Variants in MRAP2 observed in about 807,000 individuals in gnomAD.
MRAP2 encodes melanocortin-2 receptor accessory protein 2.
Under a neutral mutation model 17.4 loss-of-function variants are expected in MRAP2, and 20 were observed. The ratio of observed to expected loss-of-function variants is 1.15; its 90% CI spans 0.81 to 1.67. MRAP2 has a LOEUF of 1.67. Among genes scored for constraint, MRAP2 ranks in the 40% most tolerant of loss-of-function variants. The probability of loss-of-function intolerance (pLI) is 0.00; values close to 1 mark genes in which losing one functional copy is unlikely to be tolerated. For missense variants in MRAP2, 238 were observed against 240.0 expected, an observed-to-expected ratio of 0.99 and a Z score of 0.05; for synonymous variants, 96 against 88.4, an observed-to-expected ratio of 1.09 and a Z score of -0.48.
chr6:84,066,708 G>A (rs1386820963), intron 3 of MRAP2, among the ~76,000 whole-genome samples: 1 of 152,108 alleles, frequency 6.6e-6, no homozygotes, highest in African/African-American at 2.4e-5. Context: ...TAAGAAACAT[G>A]AGGCTGAGAC....
chr6:84,054,888 A>C (rs1190516054), intron 1 of MRAP2, among the ~76,000 whole-genome samples: 1 of 152,198 alleles, frequency 6.6e-6, no homozygotes. Flanking sequence ...GAGATTGAGT[A>C]ATACATCAAA....
At chr6:84,121,799 A>G in the MRAP2 span, among the ~76,000 whole-genome samples, 1 of 152,214 alleles carries the variant, frequency 6.6e-6, no homozygotes, top group East Asian at 1.9e-4. Flanking sequence ...GATACAGCAA[A>G]AGTAATGTTA....
the MRAP2 span, among the ~76,000 whole-genome samples, chr6:84,103,227 C>G: frequency 6.6e-6 from 1 of 152,076 alleles, no homozygotes; most frequent in African/African-American, 2.4e-5. Context: ...AACGTAGATC[C>G]AATGTTATCT....
the MRAP2 span, among the ~76,000 whole-genome samples, chr6:84,132,447 T>C: frequency 6.6e-6 from 1 of 152,220 alleles, no homozygotes; most frequent in Non-Finnish European, 1.5e-5. Flanking sequence ...TTTTCCAACT[T>C]GGTTCCATTC....
the MRAP2 span, among the ~76,000 whole-genome samples, chr6:84,132,940 T>A: frequency 6.6e-6 from 1 of 152,070 alleles, no homozygotes; most frequent in Non-Finnish European, 1.5e-5. Flanking sequence ...GGCACTCTGA[T>A]TTTTGGAATT....
chr6:84,102,703 A>T, the MRAP2 span, among the ~76,000 whole-genome samples: 1 of 152,170 alleles, frequency 6.6e-6, no homozygotes, highest in Non-Finnish European at 1.5e-5. Context: ...GGGAGGATTT[A>T]TGTAAGACAT....
intron 3 of MRAP2, among the ~76,000 whole-genome samples, chr6:84,085,041 G>A (rs971976887): frequency 2.6e-5 from 4 of 151,134 alleles, no homozygotes; most frequent in African/African-American, 9.7e-5. Context: ...TTGGTGTGTT[G>A]CACCCATTAA....
At chr6:84,083,264 C>T (rs1450636888) in intron 3 of MRAP2, among the ~76,000 whole-genome samples, 1 of 152,200 alleles carries the variant, frequency 6.6e-6, no homozygotes, top group Admixed American at 6.5e-5. Context: ...AGCCACCATG[C>T]CTGGCCTGTT....
intron 3 of MRAP2, among the ~76,000 whole-genome samples, chr6:84,072,454 C>T (rs2099496431): frequency 6.6e-6 from 1 of 152,206 alleles, no homozygotes; most frequent in East Asian, 1.9e-4. Flanking sequence ...GCCATGGATA[C>T]CAGTGCCTGT....
chr6:84,063,659 A>C (rs73752621), intron 3 of MRAP2, among the ~76,000 whole-genome samples: 3,551 of 152,320 alleles, frequency 0.023, 125 homozygotes, highest in African/African-American at 0.08. Context: ...GAAATATATT[A>C]AAGGATTTAT....
the MRAP2 span, among the ~76,000 whole-genome samples, chr6:84,099,130 G>A: frequency 6.7e-6 from 1 of 149,478 alleles, no homozygotes; most frequent in Non-Finnish European, 1.5e-5. Flanking sequence ...TCTTAAACAT[G>A]GTGTGAGATC....
At chr6:84,036,551 G>T (rs932988830) in intron 1 of MRAP2, among the ~76,000 whole-genome samples, 7 of 152,140 alleles carry the variant, frequency 4.6e-5, no homozygotes, top group Admixed American at 1.3e-4. Context: ...GAGTGAAGCT[G>T]CAGACCTTCA....
chr6:84,062,464 G>T (rs2099493404), intron 2 of MRAP2: 3 of 880,506 alleles, frequency 3.4e-6, no homozygotes, highest in Non-Finnish European at 4.1e-6. Context: ...TGTTTTCCTT[G>T]CACAGTTAAT....
the MRAP2 span, among the ~76,000 whole-genome samples, chr6:84,109,411 T>C: frequency 1.3e-5 from 2 of 152,086 alleles, no homozygotes; most frequent in Non-Finnish European, 2.9e-5. Context: ...TATTCCTAGG[T>C]ATTTTATTCC....
chr6:84,035,369 A>C, intron 1 of MRAP2: 1 of 951,606 alleles, frequency 1.1e-6, no homozygotes, highest in Non-Finnish European at 1.3e-6. Context: ...TACCTAGGGA[A>C]GCATTTACAA....
the MRAP2 span, among the ~76,000 whole-genome samples, chr6:84,111,626 A>G: frequency 6.6e-6 from 1 of 152,174 alleles, no homozygotes; most frequent in East Asian, 1.9e-4. Context: ...CCTGGCCCAA[A>G]CTTCCAATAC....
At chr6:84,128,912 A>G in the MRAP2 span, among the ~76,000 whole-genome samples, 4 of 151,462 alleles carry the variant, frequency 2.6e-5, no homozygotes, top group Admixed American at 1.3e-4. Context: ...TCATTGTTCA[A>G]CTTCCACTTA....
At chr6:84,054,405 TCA>T (rs896783315) in intron 1 of MRAP2, among the ~76,000 whole-genome samples, 16 of 152,358 alleles carry the variant, frequency 1.1e-4, no homozygotes, top group African/African-American at 3.8e-4. Context: ...TCTAAAATAG[TCA>T]CAGTTAACAA....
downstream of MRAP2, among the ~76,000 whole-genome samples, chr6:84,093,284 A>G (rs953907575): frequency 3.3e-5 from 5 of 152,076 alleles, no homozygotes; most frequent in African/African-American, 7.3e-5. Flanking sequence ...GAGAGAAAGA[A>G]AAAGGGAATG....
Sources: gnomAD v4.1 joint callset for allele counts (sites outside exome capture counted in the v4.1 genomes callset) on GRCh38, gnomAD v4.1.1 for gene constraint, MANE v1.5 for transcripts, NCBI Gene and HGNC (gene_info 2026-07-23, HGNC 2026-07-21) for gene names.